Variants in ZFYVE26 observed in about 807,000 individuals in gnomAD.
The protein encoded by ZFYVE26 is zinc finger FYVE-type containing 26.
Under a neutral mutation model 276.5 loss-of-function variants are expected in ZFYVE26, and 181 were observed. The ratio of observed to expected loss-of-function variants is 0.65; its 90% CI spans 0.58 to 0.74. The LOEUF is 0.74. ZFYVE26 is among the 30% of genes least tolerant of loss of function. The pLI, the probability that ZFYVE26 is intolerant of heterozygous loss-of-function variation, is 0.00. For missense variants in ZFYVE26, 2,821 were observed against 3,097.9 expected (o/e 0.91, Z 2.12); for synonymous variants, 1,129 against 1,203.1 (o/e 0.94, Z 1.27).
At chr14:67,776,541 C>G (rs1389595265) in intron 25 of ZFYVE26, among the ~76,000 whole-genome samples, 1 of 152,178 alleles carries the variant, frequency 6.6e-6, no homozygotes, top group Middle Eastern at 3.2e-3. Context: ...GGCCTGGACC[C>G]TCCAGGTATG....
chr14:67,793,470 T>C, intron 14 of ZFYVE26, 138 bp downstream of exon 14: 1 of 962,352 alleles, frequency 1.0e-6, no homozygotes. Flanking sequence ...CCTGGGCACA[T>C]GGAAACCCCC....
rs367906858 is a variant in ZFYVE26, at chr14:67,815,816, C to T, written c.148G>A (p.Val50Ile). The change falls in exon 2 of 42, where the codon GTA becomes ATA. Residue 50 changes from valine (V) to isoleucine (I), a missense_variant. Val to Ile is a conservative substitution (Grantham distance 29, BLOSUM62 3). Coordinates refer to ENST00000347230, the MANE Select transcript of ZFYVE26 (RefSeq NM_015346.4). ...ACCAATGCCTGAAGTATGTCTTCTA[C>T]CCTCTTTGGGATATCCCCTTGTCCC... ...QEGQGDIPKR[V>I]EDILQALVVC... is the part of the protein sequence containing the mutation. The T allele has an allele frequency of 2.5e-6, 4 of 1,614,000 alleles. No homozygotes were observed. Among genetic ancestry groups the T allele is most frequent in the Middle Eastern group, 1.7e-4 (1 of 5,854 alleles).
intron 10 of ZFYVE26, chr14:67,799,724 G>C: frequency 1.3e-6 from 1 of 788,380 alleles, no homozygotes; most frequent in Non-Finnish European, 2.1e-6. Context: ...TGTCTTTCCA[G>C]CCTGAATTTT....
At chr14:67,814,602 C>T (rs1261357608) in intron 2 of ZFYVE26, among the ~76,000 whole-genome samples, 1 of 152,162 alleles carries the variant, frequency 6.6e-6, no homozygotes, top group African/African-American at 2.4e-5. Context: ...GCCTTAATCT[C>T]ACCTCCACCT....
chr14:67,733,182 C>T (rs566255906), intron 13 of ZFYVE26, among the ~76,000 whole-genome samples: 2 of 152,180 alleles, frequency 1.3e-5, no homozygotes, highest in East Asian at 1.9e-4. Context: ...GCTCCCACCC[C>T]CTATCCCTCT....
intron 40 of ZFYVE26, 131 bp downstream of exon 40, chr14:67,752,213 G>A (rs113498708): frequency 8.3e-7 from 1 of 1,206,864 alleles, no homozygotes; most frequent in Admixed American, 2.0e-5. Flanking sequence ...GGCCATTATT[G>A]CAGAGGGGTT....
At chr14:67,779,425 C>T (rs1269802055) in intron 23 of ZFYVE26, among the ~76,000 whole-genome samples, 2 of 151,844 alleles carry the variant, frequency 1.3e-5, no homozygotes, top group Non-Finnish European at 2.9e-5. Flanking sequence ...ATTAGCTGGG[C>T]GTGGTGGCTG....
Position 67,807,556 on chromosome 14 carries a change from A to T in ZFYVE26, c.728T>A (p.Leu243Gln). ...CCCCTCGGTCCTGCAGGCCTCTAGT[A>T]GTTCCTCACACAGGAGATGCAACTC... Reference protein sequence around the residue: ...GVELHLLCEELLEACRTEGSP... With the variant: ...GVELHLLCEEQLEACRTEGSP... The change falls in exon 5 of 42, where the codon CTA becomes CAA. Residue 243 changes from leucine to glutamine, a missense_variant. By Grantham distance (113) the Leu-to-Gln change is moderately radical. Coordinates refer to ENST00000347230, the MANE Select transcript of ZFYVE26 (RefSeq NM_015346.4). The T allele has an allele frequency of 6.2e-7, 1 of 1,614,162 alleles. No individual in the cohort carries two copies. Among genetic ancestry groups the T allele is most frequent in the Non-Finnish European group, 8.5e-7 (1 of 1,180,016 alleles).
intron 1 of ZFYVE26, 138 bp downstream of exon 1, chr14:67,816,396 C>T (rs775287919): frequency 3.3e-4 from 53 of 163,044 alleles, no homozygotes; most frequent in Non-Finnish European, 6.2e-4. Flanking sequence ...TTTGAGCCCT[C>T]TGTTAAGGCA....
At chr14:67,776,835 G>A (rs550035259) in intron 25 of ZFYVE26, among the ~76,000 whole-genome samples, 6 of 152,274 alleles carry the variant, frequency 3.9e-5, no homozygotes, top group African/African-American at 1.2e-4. Context: ...CTTAGTAAGT[G>A]GGCCAGTGGT....
At chr14:67,795,955 A>G (rs973593163) in intron 12 of ZFYVE26, among the ~76,000 whole-genome samples, 1 of 152,348 alleles carries the variant, frequency 6.6e-6, no homozygotes. Context: ...ATACTACTGA[A>G]GCAATGAAAC....
Position 67,748,068 on chromosome 14 carries a change from G to A in ZFYVE26, c.*368C>T. 1 of 278,628 alleles carries A rather than the reference G, an allele frequency of 3.6e-6. No homozygotes were observed. The highest frequency in any genetic ancestry group is 6.9e-6 in the Non-Finnish European group (1 of 144,462). 17.3% of individuals were successfully genotyped at this position (278,628 alleles called of 1,614,324 possible). On this transcript the variant is annotated 3_prime_UTR_variant, in exon 42 of 42. Coordinates refer to ENST00000347230, the MANE Select transcript of ZFYVE26 (RefSeq NM_015346.4). ...GCAGGGAAGGTTTTCAGAGTGGCAA[G>A]TCTAAAGTAAAGTGCCTCTTTTAAA...
At chr14:67,749,109 T>C (rs562215220) in intron 41 of ZFYVE26, among the ~76,000 whole-genome samples, 1 of 152,370 alleles carries the variant, frequency 6.6e-6, no homozygotes, top group African/African-American at 2.4e-5. Flanking sequence ...GTAGTATTCC[T>C]GGCACCTAGC....
intron 10 of ZFYVE26, chr14:67,799,578 A>G: frequency 6.7e-7 from 1 of 1,500,430 alleles, no homozygotes; most frequent in Non-Finnish European, 9.3e-7. Context: ...GGAGGAGGGA[A>G]AAAATCTGCT....
chr14:67,793,156 C>T (rs574382678), intron 14 of ZFYVE26, among the ~76,000 whole-genome samples: 1 of 152,096 alleles, frequency 6.6e-6, no homozygotes, highest in East Asian at 1.9e-4. Flanking sequence ...GCTTGGGAGG[C>T]TTAGGCAGGA....
chr14:67,806,756 T>C, intron 5 of ZFYVE26, 81 bp from the exon 6 acceptor site: 1 of 1,557,830 alleles, frequency 6.4e-7, no homozygotes. Flanking sequence ...AACCAAGTGA[T>C]GTGAGAGTTT....
In ZFYVE26 at chr14:67,783,180, G is replaced by A; in HGVS notation, c.3972C>T (p.Ser1324=). The A allele has an allele frequency of 6.2e-7, 1 of 1,610,206 alleles. No homozygotes were observed. The highest frequency in any genetic ancestry group is 8.5e-7 in the Non-Finnish European group (1 of 1,177,446). ...LLATVACLGA[S]PRLKVSKPSL... ...TGGGTTTGCTGACCTTTAACCTCGG[G>A]GAAGCCCCCAGGCAGGCCACCGTAG... The change falls in exon 21 of 42, where the codon TCC becomes TCT. Residue 1324 remains serine (S), a synonymous_variant. Coordinates refer to ENST00000347230, the MANE Select transcript of ZFYVE26 (RefSeq NM_015346.4).
At chr14:67,811,813 T>G (rs913603358) in intron 3 of ZFYVE26, among the ~76,000 whole-genome samples, 2 of 149,004 alleles carry the variant, frequency 1.3e-5, no homozygotes, top group African/African-American at 4.9e-5. Context: ...TTTTACAAAT[T>G]TAATTGGTGT....
At chr14:67,741,719 G>GT (rs2038416787), downstream of ZFYVE26, among the ~76,000 whole-genome samples, 2 of 152,240 alleles carry the variant, frequency 1.3e-5, no homozygotes, top group Non-Finnish European at 2.9e-5. Flanking sequence ...TGTGATAACT[G>GT]TAATACACAT....
Sources: allele counts gnomAD v4.1 joint callset (sites outside exome capture counted in the v4.1 genomes callset), GRCh38; gene constraint gnomAD v4.1.1; transcripts MANE v1.5; gene names NCBI Gene and HGNC (gene_info 2026-07-23, HGNC 2026-07-21).